The following RBMS1 variants were observed in gnomAD, a reference collection of about 807,000 sequenced individuals.
The protein encoded by RBMS1 is RNA-binding motif, single-stranded-interacting protein 1.
A neutral mutation model predicts 62.3 loss-of-function variants in RBMS1; 17 were observed. That is an observed-to-expected ratio of 0.27 (90% confidence interval 0.19 to 0.41). RBMS1 has a LOEUF of 0.41. Ranked by LOEUF, RBMS1 falls within the 10% of genes least tolerant of loss-of-function variation. RBMS1 has a pLI of 1.00. For synonymous variants in RBMS1, 172 were observed against 170.0 expected, an observed-to-expected ratio of 1.01 and a Z score of -0.09; for missense variants, 334 against 504.5, an observed-to-expected ratio of 0.66 and a Z score of 3.24.
chr2:160,479,510 G>A (rs528332646), intron 1 of RBMS1, among the ~76,000 whole-genome samples: 2 of 152,174 alleles, frequency 1.3e-5, no homozygotes, highest in Non-Finnish European at 2.9e-5. Context: ...GGCCCCATTC[G>A]CATCCCATCC....
intron 1 of RBMS1, among the ~76,000 whole-genome samples, chr2:160,479,612 T>C (rs1452505101): frequency 6.6e-6 from 1 of 152,206 alleles, no homozygotes; most frequent in Non-Finnish European, 1.5e-5. Context: ...TGACCAGTCC[T>C]GTGAGGTTAT....
At chr2:160,382,242 T>C (rs898444870) in intron 1 of RBMS1, among the ~76,000 whole-genome samples, 5 of 152,234 alleles carry the variant, frequency 3.3e-5, no homozygotes, top group Non-Finnish European at 5.9e-5. Flanking sequence ...CTAAGTATCT[T>C]AGAAAGGAGT....
In RBMS1 at chr2:160,407,609, G is replaced by A. The variant is rs1488140033; in HGVS notation, c.76-40218C>T. The A allele has an allele frequency of 3.1e-6, 3 of 982,196 alleles. No individual in the cohort carries two copies. The East Asian group carries it at 3.4e-4, about 113-fold the overall frequency. The allele number at this position is 982,196 out of a possible 1,614,324, so 60.8% of individuals were successfully genotyped here. A position where few individuals can be genotyped will look rare whatever the true frequency, so the allele number is the denominator to read the frequency against. On this transcript the variant is annotated intron_variant, in intron 1 of 13. Coordinates refer to ENST00000348849, the MANE Select transcript of RBMS1 (RefSeq NM_016836.4). The stretch of plus-strand genomic sequence containing the variant: ...CTCGCCGCGAGGGGGAGGGCGCAAG[G>A]AGGTGGCCGGCCGGGCCCGGGGCCG...
intron 1 of RBMS1, among the ~76,000 whole-genome samples, chr2:160,418,772 G>A (rs1483852449): frequency 1.3e-5 from 2 of 152,098 alleles, no homozygotes; most frequent in African/African-American, 4.8e-5. Context: ...TCATTTATCT[G>A]TAATGTTCCC....
intron 2 of RBMS1, among the ~76,000 whole-genome samples, chr2:160,332,924 A>T (rs1691359340): frequency 6.6e-6 from 1 of 151,038 alleles, no homozygotes; most frequent in South Asian, 2.1e-4. Context: ...GTATAAATGC[A>T]TACACGAGTG....
chr2:160,290,257 T>C (rs999337666), intron 6 of RBMS1, among the ~76,000 whole-genome samples: 2 of 150,952 alleles, frequency 1.3e-5, no homozygotes, highest in Non-Finnish European at 2.9e-5. Flanking sequence ...CAATTGTTTT[T>C]TACAAGGGAG....
At chr2:160,438,611 G>T (rs1168300658) in intron 1 of RBMS1, among the ~76,000 whole-genome samples, 2 of 152,200 alleles carry the variant, frequency 1.3e-5, no homozygotes, top group South Asian at 2.1e-4. Flanking sequence ...CAAGGCAGAA[G>T]AATTTTTCTT....
chr2:160,293,689 G>C (rs1465165272), intron 6 of RBMS1, among the ~76,000 whole-genome samples: 3 of 152,156 alleles, frequency 2.0e-5, no homozygotes, highest in South Asian at 4.1e-4. Context: ...GTGGTGGCGA[G>C]GGGGAGAGGT....
intron 1 of RBMS1, among the ~76,000 whole-genome samples, chr2:160,488,370 G>A (rs1163549022): frequency 6.6e-6 from 1 of 152,200 alleles, no homozygotes; most frequent in Non-Finnish European, 1.5e-5. Context: ...GAGGTCCGGA[G>A]TTCAAGACCA....
Position 160,450,322 on chromosome 2 carries a change from C to T in RBMS1, c.75+42967G>A, listed in dbSNP as rs182821190. Among the ~76,000 whole-genome samples, 281 of 152,160 alleles carry T rather than the reference C, an allele frequency of 1.8e-3. 1 individual carries two copies. The highest frequency in any genetic ancestry group is 8.6e-3 in the Admixed American group (132 of 15,286). On this transcript the variant is annotated intron_variant, in intron 1 of 13. Transcript: ENST00000348849. The stretch of plus-strand genomic sequence containing the variant: ...TTGGGAGGCAGAGGTGGGTGGATCA[C>T]CTGAGGTCAGGAATTCAAGACCAGC...
At chr2:160,385,641 G>T (rs1024028803) in intron 1 of RBMS1, among the ~76,000 whole-genome samples, 25 of 152,176 alleles carry the variant, frequency 1.6e-4, no homozygotes, top group African/African-American at 6.0e-4. Flanking sequence ...GTGATGAAAT[G>T]CTCATCACTT....
At chr2:160,391,105 A>C (rs1171763444) in intron 1 of RBMS1, among the ~76,000 whole-genome samples, 1 of 151,336 alleles carries the variant, frequency 6.6e-6, no homozygotes, top group Non-Finnish European at 1.5e-5. Flanking sequence ...CCAAGAAGAC[A>C]GACTGGAGTC....
chr2:160,275,125 TTACA>T (rs1407826666), intron 13 of RBMS1, among the ~76,000 whole-genome samples: 1 of 152,240 alleles, frequency 6.6e-6, no homozygotes, highest in Non-Finnish European at 1.5e-5. Context: ...AGCTATTTTA[TTACA>T]GTCTGCATGG....
At position 160,493,432 on chromosome 2, in the gene RBMS1, G is replaced by T; in HGVS notation, c.-69C>A. ...GGGTTTCCAAGTCTCGGGCTCTCCT[G>T]CCTCTCCCTTTCCGGCGGCGGCGGC... On this transcript the variant is annotated 5_prime_UTR_variant, in exon 1 of 14. Transcript: ENST00000348849. The T allele has an allele frequency of 2.0e-6, 3 of 1,482,690 alleles. No individual in the cohort carries two copies. The highest frequency in any genetic ancestry group is 2.8e-6 in the Non-Finnish European group (3 of 1,066,172). 91.8% of individuals were successfully genotyped at this position (1,482,690 alleles called of 1,614,324 possible). A position where few individuals can be genotyped will look rare whatever the true frequency, so the allele number is the denominator to read the frequency against.
chr2:160,318,414 G>A (rs1430859471), intron 2 of RBMS1, among the ~76,000 whole-genome samples, 187 bp from the exon 3 acceptor site: 1 of 152,120 alleles, frequency 6.6e-6, no homozygotes, highest in African/African-American at 2.4e-5. Context: ...CTGAAAAAAA[G>A]GGAATGGCTA....
intron 1 of RBMS1, chr2:160,367,657 A>AT (rs1414063962): frequency 4.3e-5 from 16 of 370,508 alleles, no homozygotes; most frequent in Non-Finnish European, 7.2e-5. Flanking sequence ...TTATTCACAC[A>AT]TTTTTCAGGA....
chr2:160,380,899 T>C (rs1166401379), intron 1 of RBMS1, among the ~76,000 whole-genome samples: 1 of 152,194 alleles, frequency 6.6e-6, no homozygotes. Flanking sequence ...TAAAACATCA[T>C]CCTACCTTTA....
chr2:160,306,746 T>G (rs576992436), intron 4 of RBMS1, among the ~76,000 whole-genome samples: 1 of 152,132 alleles, frequency 6.6e-6, no homozygotes, highest in Non-Finnish European at 1.5e-5. Flanking sequence ...TTTTTAAATT[T>G]TACTTTCTTT....
At chr2:160,384,163 C>A (rs1181496810) in intron 1 of RBMS1, among the ~76,000 whole-genome samples, 5 of 152,140 alleles carry the variant, frequency 3.3e-5, no homozygotes. Flanking sequence ...TGCCACCGCA[C>A]TCCAGCCTGG....
Sources: gnomAD v4.1 joint callset for allele counts (sites outside exome capture counted in the v4.1 genomes callset) on GRCh38, gnomAD v4.1.1 for gene constraint, MANE v1.5 for transcripts, NCBI Gene and HGNC (gene_info 2026-07-23, HGNC 2026-07-21) for gene names.